The following CAST variants were observed in gnomAD, a reference collection of about 807,000 sequenced individuals.
CAST encodes the protein calpastatin, also known as MIR583 host.
A neutral mutation model predicts 119.6 loss-of-function variants in CAST; 76 were observed. The ratio of observed to expected loss-of-function variants is 0.64; its 90% CI spans 0.53 to 0.77. CAST has a LOEUF of 0.77. Among genes scored for constraint, CAST ranks in the 30% least tolerant of loss-of-function variants. CAST has a pLI of 0.00. For synonymous variants in CAST, 319 were observed against 331.6 expected, an observed-to-expected ratio of 0.96 and a Z score of 0.41; for missense variants, 953 against 946.5, an observed-to-expected ratio of 1.01 and a Z score of -0.09.
chr5:96,756,140 G>T (rs1018504884), intron 22 of CAST, among the ~76,000 whole-genome samples: 10 of 152,062 alleles, frequency 6.6e-5, no homozygotes, highest in African/African-American at 1.9e-4. Context: ...TCCTATGTTG[G>T]TATTCACCAG....
the CAST span, among the ~76,000 whole-genome samples, chr5:96,164,635 G>A: frequency 6.6e-6 from 1 of 152,192 alleles, no homozygotes; most frequent in Non-Finnish European, 1.5e-5. Flanking sequence ...GACAGATATA[G>A]TCTCTGCCCT....
the CAST span, among the ~76,000 whole-genome samples, chr5:95,979,688 T>C: frequency 1.3e-5 from 2 of 152,334 alleles, no homozygotes; most frequent in East Asian, 3.9e-4. Context: ...TATGGATTAA[T>C]TTAAGAAGAG....
At chr5:96,739,895 A>C (rs1762345896) in intron 11 of CAST, 143 bp from the exon 12 acceptor site, 2 of 566,930 alleles carry the variant, frequency 3.5e-6, no homozygotes, top group Non-Finnish European at 6.3e-6. Flanking sequence ...AGTTGTATAA[A>C]GTGTTGGCTT....
At chr5:96,591,734 TC>T (rs1250226934) in intron 1 of CAST, among the ~76,000 whole-genome samples, 1 of 152,234 alleles carries the variant, frequency 6.6e-6, no homozygotes, top group African/African-American at 2.4e-5. Context: ...AATTTTATTT[TC>T]TTTTACACAG....
the CAST span, among the ~76,000 whole-genome samples, chr5:95,990,384 G>C: frequency 6.6e-6 from 1 of 151,954 alleles, no homozygotes; most frequent in Admixed American, 6.6e-5. Flanking sequence ...AAGTATAGGG[G>C]CAAACTAGTA....
intron 3 of CAST, among the ~76,000 whole-genome samples, chr5:96,697,877 G>A (rs1325130455): frequency 6.6e-6 from 1 of 152,172 alleles, no homozygotes; most frequent in African/African-American, 2.4e-5. Context: ...AGCAGGTGCT[G>A]GGAAAATGGA....
At chr5:96,092,405 C>T in the CAST span, among the ~76,000 whole-genome samples, 1 of 152,190 alleles carries the variant, frequency 6.6e-6, no homozygotes, top group Non-Finnish European at 1.5e-5. Context: ...TTTGCTCTTT[C>T]AGGATTTATG....
the CAST span, among the ~76,000 whole-genome samples, chr5:96,518,255 A>G: frequency 1.3e-5 from 2 of 152,240 alleles, no homozygotes; most frequent in Admixed American, 1.3e-4. Flanking sequence ...CATCAACTTG[A>G]ACCTCATACC....
the CAST span, among the ~76,000 whole-genome samples, chr5:96,286,315 T>C: frequency 6.6e-6 from 1 of 152,212 alleles, no homozygotes; most frequent in Non-Finnish European, 1.5e-5. Flanking sequence ...TATAGAAATA[T>C]TTCCCAAGCC....
chr5:96,263,967 CT>C, the CAST span, among the ~76,000 whole-genome samples: 2 of 152,350 alleles, frequency 1.3e-5, no homozygotes, highest in East Asian at 3.9e-4. Flanking sequence ...GATCCAATCA[CT>C]TCCCATGAGG....
chr5:96,478,597 T>C, the CAST span, among the ~76,000 whole-genome samples: 1 of 152,270 alleles, frequency 6.6e-6, no homozygotes, highest in Non-Finnish European at 1.5e-5. Context: ...TGGCTGTGGT[T>C]GCAGGTGGTG....
the CAST span, among the ~76,000 whole-genome samples, chr5:96,341,680 C>T: frequency 6.6e-6 from 1 of 151,870 alleles, no homozygotes; most frequent in African/African-American, 2.4e-5. Context: ...AGTGGAAAAC[C>T]AGTATCCTCT....
chr5:96,389,578 C>T, the CAST span, among the ~76,000 whole-genome samples: 4 of 152,042 alleles, frequency 2.6e-5, no homozygotes, highest in African/African-American at 7.2e-5. Context: ...GATGGTGGGT[C>T]GAAATTCCAG....
chr5:96,422,140 G>A, the CAST span, among the ~76,000 whole-genome samples: 1 of 152,026 alleles, frequency 6.6e-6, no homozygotes, highest in Non-Finnish European at 1.5e-5. Flanking sequence ...ACCAGGCAGA[G>A]ATGATGAACA....
the CAST span, among the ~76,000 whole-genome samples, chr5:96,327,324 A>G: frequency 6.6e-6 from 1 of 152,230 alleles, no homozygotes; most frequent in Admixed American, 6.5e-5. Context: ...TAGCCACACA[A>G]GAGAAAAAAG....
the CAST span, among the ~76,000 whole-genome samples, chr5:96,219,758 CAGGAAGGA>C: frequency 7.1e-6 from 1 of 140,542 alleles, no homozygotes; most frequent in Non-Finnish European, 1.5e-5. Flanking sequence ...GGCAGGCAGG[CAGGAAGGA>C]AGGAAGGAAG....
chr5:96,076,968 A>T, the CAST span, among the ~76,000 whole-genome samples: 1 of 151,020 alleles, frequency 6.6e-6, no homozygotes, highest in Non-Finnish European at 1.5e-5. Flanking sequence ...TATAATATTT[A>T]TAATAAAAAT....
the CAST span, among the ~76,000 whole-genome samples, chr5:96,029,311 G>A: frequency 5.3e-5 from 8 of 152,066 alleles, no homozygotes; most frequent in Admixed American, 5.2e-4. Context: ...TTTGCTTGCT[G>A]TTAATAATAT....
intron 1 of CAST, among the ~76,000 whole-genome samples, chr5:96,636,084 G>A (rs155059): frequency 0.7 from 105,698 of 152,016 alleles, 37,775 homozygotes; most frequent in African/African-American, 0.86. Context: ...TAATAATAGT[G>A]ATAGTACCAA....
Sources: allele counts gnomAD v4.1 joint callset (sites outside exome capture counted in the v4.1 genomes callset), GRCh38; gene constraint gnomAD v4.1.1; transcripts MANE v1.5; gene names NCBI Gene and HGNC (gene_info 2026-07-23, HGNC 2026-07-21).